KCNIP1: variants seen among roughly 807,000 people sequenced by gnomAD.
KCNIP1 encodes A-type potassium channel modulatory protein KCNIP1.
In KCNIP1, 18 loss-of-function variants were observed where a neutral mutation model predicts 33.0. The ratio of observed to expected loss-of-function variants is 0.55; its 90% CI spans 0.38 to 0.81. KCNIP1 has a LOEUF of 0.81. Among genes scored for constraint, KCNIP1 ranks in the 30% least tolerant of loss-of-function variants. KCNIP1 has a pLI of 0.00. For synonymous variants in KCNIP1, 93 were observed against 98.3 expected (o/e 0.95, Z 0.32); for missense variants, 238 against 271.6 (o/e 0.88, Z 0.87).
intron 1 of KCNIP1, among the ~76,000 whole-genome samples, chr5:170,393,242 C>G (rs982933468): frequency 6.6e-6 from 1 of 152,208 alleles, no homozygotes; most frequent in East Asian, 1.9e-4. Flanking sequence ...ACACCCTCAG[C>G]TCAGTCTGTA....
At chr5:170,390,538 A>ATATATATATATATATATT (rs1554088948) in intron 1 of KCNIP1, among the ~76,000 whole-genome samples, 1 of 131,222 alleles carries the variant, frequency 7.6e-6, no homozygotes. Flanking sequence ...ATATATATAT[A>ATATATATATATATATATT]TTTTCAACAA....
chr5:170,403,785 T>A (rs1230524427), intron 1 of KCNIP1, among the ~76,000 whole-genome samples: 1 of 152,236 alleles, frequency 6.6e-6, no homozygotes, highest in Non-Finnish European at 1.5e-5. Context: ...CTCAGGCCTT[T>A]ACACTCCAAA....
chr5:170,499,059 G>A (rs1757363422), upstream of KCNIP1, among the ~76,000 whole-genome samples: 2 of 152,288 alleles, frequency 1.3e-5, no homozygotes, highest in Admixed American at 6.5e-5. Context: ...CTCGGCCTTT[G>A]CTTTCTAAAA....
intron 1 of KCNIP1, among the ~76,000 whole-genome samples, chr5:170,455,815 G>C (rs936540878): frequency 6.6e-6 from 1 of 152,194 alleles, no homozygotes. Flanking sequence ...GAAATTTATA[G>C]CTCCACATAC....
At chr5:170,450,246 G>A (rs1012592017) in intron 1 of KCNIP1, among the ~76,000 whole-genome samples, 3 of 151,934 alleles carry the variant, frequency 2.0e-5, no homozygotes, top group African/African-American at 7.3e-5. Flanking sequence ...TGCAGCTGCT[G>A]ACTCTTTACA....
At chr5:170,423,178 A>G (rs1755535506) in intron 1 of KCNIP1, among the ~76,000 whole-genome samples, 1 of 152,246 alleles carries the variant, frequency 6.6e-6, no homozygotes, top group South Asian at 2.1e-4. Flanking sequence ...TAGATAGGGA[A>G]ACTGAAAAGC....
At chr5:170,401,769 A>T (rs942403476) in intron 1 of KCNIP1, among the ~76,000 whole-genome samples, 17 of 152,138 alleles carry the variant, frequency 1.1e-4, no homozygotes, top group Non-Finnish European at 1.9e-4. Context: ...AAAAAAAAAA[A>T]AAAATCCCTC....
intron 1 of KCNIP1, among the ~76,000 whole-genome samples, chr5:170,496,586 C>A (rs1757314995): frequency 6.6e-6 from 1 of 152,214 alleles, no homozygotes; most frequent in African/African-American, 2.4e-5. Context: ...ACAGAGGTCA[C>A]CACTGCTAAT....
intron 1 of KCNIP1, among the ~76,000 whole-genome samples, chr5:170,479,866 A>G (rs1756939486): frequency 6.6e-6 from 1 of 152,256 alleles, no homozygotes; most frequent in Non-Finnish European, 1.5e-5. Context: ...TCCTCTTGAC[A>G]TTCGAACACT....
chr5:170,525,314 TCA>T (rs1300226698), intron 1 of KCNIP1, among the ~76,000 whole-genome samples: 1 of 152,348 alleles, frequency 6.6e-6, no homozygotes, highest in Admixed American at 6.5e-5. Flanking sequence ...TTCCTGAGCC[TCA>T]GTTTTCTCTT....
intron 3 of KCNIP1, chr5:170,721,616 A>G: frequency 1.2e-6 from 1 of 831,812 alleles, no homozygotes; most frequent in Non-Finnish European, 1.9e-6. Flanking sequence ...CATGATGGCT[A>G]GAGGGAGGGG....
At chr5:170,519,712 A>G (rs1755283743) in intron 1 of KCNIP1, among the ~76,000 whole-genome samples, 1 of 152,130 alleles carries the variant, frequency 6.6e-6, no homozygotes, top group Non-Finnish European at 1.5e-5. Flanking sequence ...TATTCTCCCA[A>G]ATCTTGGAAC....
At chr5:170,433,223 G>A (rs1290484435) in intron 1 of KCNIP1, among the ~76,000 whole-genome samples, 1 of 152,128 alleles carries the variant, frequency 6.6e-6, no homozygotes, top group Non-Finnish European at 1.5e-5. Context: ...GTCTCGCTCT[G>A]TCACCCAGGC....
At chr5:170,671,594 C>T (rs1402611326) in intron 1 of KCNIP1, among the ~76,000 whole-genome samples, 3 of 152,154 alleles carry the variant, frequency 2.0e-5, no homozygotes, top group African/African-American at 4.8e-5. Context: ...ATATGATATA[C>T]TTATGCTATT....
intron 1 of KCNIP1, among the ~76,000 whole-genome samples, chr5:170,361,302 G>A (rs1763506564): frequency 6.6e-6 from 1 of 152,188 alleles, no homozygotes; most frequent in Admixed American, 6.5e-5. Flanking sequence ...GCCAGCTGGA[G>A]GAAAGAAAGG....
rs117580466 is a variant in KCNIP1 at position 170,587,501 on chromosome 5, C to T, written c.61+82868C>T. Among the ~76,000 whole-genome samples the T allele has an allele frequency of 7.8e-4, 117 of 149,046 alleles. No individual in the cohort carries two copies. The East Asian group carries it at 0.021, about 27-fold the overall frequency. ...TGGAGGTCAGAAGTCCAAAATGAGT[C>T]TTATGGGACTCAAATCAAGGTGTTG... On this transcript the variant is annotated intron_variant, in intron 1 of 7. Transcript: ENST00000328939.
chr5:170,382,398 A>G (rs703505), intron 1 of KCNIP1, among the ~76,000 whole-genome samples: 69,513 of 151,796 alleles, frequency 0.46, 16,710 homozygotes, highest in African/African-American at 0.6. Flanking sequence ...AGACATACAC[A>G]CTCACATTTT....
intron 1 of KCNIP1, among the ~76,000 whole-genome samples, chr5:170,601,983 A>G (rs1312788023): frequency 6.6e-6 from 1 of 152,124 alleles, no homozygotes; most frequent in Non-Finnish European, 1.5e-5. Context: ...GTCTGGGTCA[A>G]ATGACACCGC....
At chr5:170,616,864 T>C (rs1033657546) in intron 1 of KCNIP1, among the ~76,000 whole-genome samples, 4 of 152,082 alleles carry the variant, frequency 2.6e-5, no homozygotes, top group African/African-American at 9.7e-5. Context: ...CTTGTGCCAC[T>C]GCTTGGATTG....
Sources: gnomAD v4.1 joint callset for allele counts (sites outside exome capture counted in the v4.1 genomes callset) on GRCh38, gnomAD v4.1.1 for gene constraint, MANE v1.5 for transcripts, NCBI Gene and HGNC (gene_info 2026-07-23, HGNC 2026-07-21) for gene names.